FAT3: variants seen among roughly 807,000 people sequenced by gnomAD.
FAT3 encodes the protein protocadherin Fat 3.
FAT3 carries 95 observed loss-of-function variants against 310.2 expected under a neutral mutation model. The observed-to-expected ratio is 0.31, with a 90% CI of 0.26 to 0.36. The LOEUF is 0.36. Among genes scored for constraint, FAT3 ranks in the 10% least tolerant of loss-of-function variants. FAT3 has a pLI of 1.00. For synonymous variants in FAT3, 2,314 were observed against 2,192.9 expected, an observed-to-expected ratio of 1.06 and a Z score of -1.54; for missense variants, 5,408 against 5,715.6, an observed-to-expected ratio of 0.95 and a Z score of 1.74.
intron 2 of FAT3, among the ~76,000 whole-genome samples, chr11:92,363,789 T>C (rs1026445642): frequency 6.6e-6 from 1 of 152,192 alleles, no homozygotes; most frequent in Non-Finnish European, 1.5e-5. Context: ...TTCTTGGCTC[T>C]AGACTTTTTG....
rs769072781 is a variant in FAT3 at position 92,801,273 on chromosome 11, G to A, written c.8260G>A (p.Gly2754Ser). Residue 2754 changes from glycine to serine, a missense_variant, in exon 10 of 28, where the codon GGC becomes AGC. Physicochemically the swap from Gly to Ser is moderately conservative, Grantham distance 56. Coordinates refer to ENST00000525166, the MANE Select transcript of FAT3 (RefSeq NM_001367949.2). ...GGAACGGCCAGAAAATAACAAAGGGGGCATATTCGTCATAGAACAGGAAAC... is the reference window on the plus strand; with the variant it reads ...GGAACGGCCAGAAAATAACAAAGGGAGCATATTCGTCATAGAACAGGAAAC... ...NGERPENNKG[G>S]IFVIEQETGT... The A allele has an allele frequency of 3.1e-6, 5 of 1,613,834 alleles. No homozygotes were observed. Among genetic ancestry groups the A allele is most frequent in the Admixed American group, 3.3e-5 (2 of 60,006 alleles).
intron 3 of FAT3, among the ~76,000 whole-genome samples, chr11:92,624,688 GA>G (rs1041504165): frequency 3.6e-4 from 55 of 152,304 alleles, no homozygotes; most frequent in African/African-American, 1.0e-3. Context: ...TGGATTTAGA[GA>G]GAGAGGAAAT....
At chr11:92,646,256 T>G (rs896297160) in intron 3 of FAT3, among the ~76,000 whole-genome samples, 2 of 152,192 alleles carry the variant, frequency 1.3e-5, no homozygotes, top group African/African-American at 4.8e-5. Context: ...AAGGCTAGGC[T>G]CAGTTGCGAC....
intron 3 of FAT3, among the ~76,000 whole-genome samples, chr11:92,659,508 T>C (rs1014660428): frequency 6.6e-6 from 1 of 152,344 alleles, no homozygotes; most frequent in Non-Finnish European, 1.5e-5. Context: ...CTTCTATGCA[T>C]GCTCACAAAT....
At chr11:92,566,318 C>A (rs897127214) in intron 3 of FAT3, among the ~76,000 whole-genome samples, 1 of 152,150 alleles carries the variant, frequency 6.6e-6, no homozygotes, top group Non-Finnish European at 1.5e-5. Context: ...ACCTAGGAAT[C>A]TACCTTACAA....
chr11:92,500,695 A>C (rs1472909560), intron 2 of FAT3, among the ~76,000 whole-genome samples: 1 of 152,018 alleles, frequency 6.6e-6, no homozygotes, highest in East Asian at 1.9e-4. Flanking sequence ...TAATAGTGTA[A>C]TCGGTTTTGC....
At chr11:92,775,007 G>A (rs1435270590) in intron 7 of FAT3, among the ~76,000 whole-genome samples, 1 of 152,112 alleles carries the variant, frequency 6.6e-6, no homozygotes, top group African/African-American at 2.4e-5. Context: ...TTTAGCACCA[G>A]AGACCTAAGC....
At chr11:92,603,152 T>C (rs1380685573) in intron 3 of FAT3, among the ~76,000 whole-genome samples, 3 of 152,230 alleles carry the variant, frequency 2.0e-5, no homozygotes. Flanking sequence ...TTTGGTAAGC[T>C]TCACTGGGCT....
intron 19 of FAT3, among the ~76,000 whole-genome samples, chr11:92,846,649 A>T (rs150557293): frequency 1.3e-5 from 2 of 152,194 alleles, no homozygotes; most frequent in Admixed American, 6.5e-5. Context: ...CTTAAATGCA[A>T]TATGTTTCAA....
chr11:92,802,496 T>G (rs1947389116), intron 10 of FAT3, among the ~76,000 whole-genome samples: 1 of 152,134 alleles, frequency 6.6e-6, no homozygotes, highest in South Asian at 2.1e-4. Flanking sequence ...AAGTAGCAAT[T>G]CAAGAGGAAA....
intron 3 of FAT3, among the ~76,000 whole-genome samples, chr11:92,619,050 A>G (rs1940959397): frequency 6.6e-6 from 1 of 152,166 alleles, no homozygotes; most frequent in South Asian, 2.1e-4. Flanking sequence ...TAATCCTGAA[A>G]GGGTTGTTAG....
intron 22 of FAT3, among the ~76,000 whole-genome samples, chr11:92,873,806 T>A (rs1052423638): frequency 1.3e-5 from 2 of 152,162 alleles, no homozygotes; most frequent in African/African-American, 4.8e-5. Context: ...CACTTCTCAT[T>A]TTGCCAGGAT....
chr11:92,640,339 G>T (rs968419454), intron 3 of FAT3, among the ~76,000 whole-genome samples: 1 of 152,056 alleles, frequency 6.6e-6, no homozygotes, highest in Non-Finnish European at 1.5e-5. Context: ...TGCTGAACAT[G>T]ATGTTTGCTT....
chr11:92,601,328 G>A (rs1940014253), intron 3 of FAT3, among the ~76,000 whole-genome samples: 1 of 151,382 alleles, frequency 6.6e-6, no homozygotes, highest in Non-Finnish European at 1.5e-5. Context: ...GCGAAGCTGA[G>A]GCGGGCAGAT....
At position 92,352,977 on chromosome 11, in the gene FAT3, G is replaced by T; in HGVS notation, c.865G>T (p.Asp289Tyr). The change falls in exon 2 of 28, where the codon GAC becomes TAC. Residue 289 changes from aspartate (D) to tyrosine (Y), a missense_variant. Physicochemically the swap from Asp to Tyr is radical, Grantham distance 160. Transcript: ENST00000525166. The stretch of plus-strand genomic sequence containing the variant: ...AACATATGCAGTGGTGACAGTTGAT[G>T]ACTTAGATGATGGAGCGAATGGAGA... The part of the protein sequence containing the change: ...EPTYAVVTVD[D>Y]LDDGANGEIE... The T allele has an allele frequency of 6.2e-7, 1 of 1,613,862 alleles. No individual in the cohort carries two copies. The highest frequency in any genetic ancestry group is 1.1e-5 in the South Asian group (1 of 91,060).
chr11:92,560,651 A>G (rs1356488395), intron 3 of FAT3, among the ~76,000 whole-genome samples: 1 of 152,154 alleles, frequency 6.6e-6, no homozygotes, highest in South Asian at 2.1e-4. Flanking sequence ...TAAAAAGAAA[A>G]AGACTCTGTT....
Position 92,713,184 on chromosome 11 carries a change from T to G in FAT3, c.3669+15739T>G, listed in dbSNP as rs1792364. 3.1e-3 allele frequency among the ~76,000 whole-genome samples: 478 copies of G among 152,276 alleles called. 2 individuals are homozygous for G. Among genetic ancestry groups the G allele is most frequent in the African/African-American group, 0.011 (452 of 41,560 alleles). On this transcript the variant is annotated intron_variant, in intron 4 of 27. Transcript: ENST00000525166. ...CATACGTGAAACTTTGAGAAGGAAG[T>G]TGCCCTTGACTACCACAACTGAGGT...
intron 2 of FAT3, among the ~76,000 whole-genome samples, chr11:92,513,260 G>A (rs1953367886): frequency 1.3e-5 from 2 of 151,980 alleles, no homozygotes; most frequent in Admixed American, 1.3e-4. Flanking sequence ...TGAGTGGAGT[G>A]ACCCTGGTTG....
chr11:92,526,984 A>G (rs578178140), intron 3 of FAT3, among the ~76,000 whole-genome samples: 1 of 152,352 alleles, frequency 6.6e-6, no homozygotes, highest in East Asian at 1.9e-4. Flanking sequence ...TTATAAACTT[A>G]AGATATGGTC....
Sources: gnomAD v4.1 joint callset for allele counts (sites outside exome capture counted in the v4.1 genomes callset) on GRCh38, gnomAD v4.1.1 for gene constraint, MANE v1.5 for transcripts, NCBI Gene and HGNC (gene_info 2026-07-23, HGNC 2026-07-21) for gene names.